Variants in WDFY4 observed in about 807,000 individuals in gnomAD.
The protein encoded by WDFY4 is WDFY family member 4, also known as WD repeat- and FYVE domain-containing protein 4.
In WDFY4, 169 loss-of-function variants were observed where a neutral mutation model predicts 351.9. The ratio of observed to expected loss-of-function variants is 0.48; its 90% confidence interval spans 0.42 to 0.55. The LOEUF (loss-of-function observed/expected upper bound fraction) is 0.55, where lower values mean the gene tolerates loss of function less well. Ranked by LOEUF, WDFY4 falls within the 20% of genes least tolerant of loss-of-function variation. WDFY4 has a pLI of 0.00. For synonymous variants in WDFY4, 1,622 were observed against 1,574.6 expected (o/e 1.03, Z -0.71); for missense variants, 3,803 against 3,935.6 (o/e 0.97, Z 0.90).
chr10:48,931,096 AACACACAC>A (rs10598078), intron 47 of WDFY4, among the ~76,000 whole-genome samples: 21,303 of 150,228 alleles, frequency 0.14, 1,631 homozygotes, highest in South Asian at 0.22. Context: ...CTCACACTCA[AACACACAC>A]ACACACACAC....
Position 48,789,251 on chromosome 10 carries a change from T to C in WDFY4, c.3954+576T>C, listed in dbSNP as rs564975260. On this transcript the variant is annotated intron_variant, in intron 21 of 61. Transcript: ENST00000325239. ...AACAACAAGGAGATATGTTTGTAGA[T>C]GGGGATGCCATTAAATTTACTTCCA... Among the ~76,000 whole-genome samples the C allele has an allele frequency of 4.2e-3, 642 of 152,334 alleles. 5 individuals carry two copies. Among genetic ancestry groups the C allele is most frequent in the Admixed American group, 0.011 (171 of 15,302 alleles).
Position 48,970,298 on chromosome 10 carries a change from C to T in WDFY4, c.8928+9C>T. ...GCTTGCGCCTCCGGCAGGTATGGTC[C>T]AGCTCGTGCAGGTGCGGTCCTCAGG... On this transcript the variant is annotated intron_variant, in intron 57 of 61. Transcript: ENST00000325239. 6.5e-7 allele frequency: 1 copy of T among 1,549,078 alleles called. No individual in the cohort carries two copies.
chr10:48,972,889 T>A (rs1842397936), intron 57 of WDFY4, among the ~76,000 whole-genome samples: 1 of 152,254 alleles, frequency 6.6e-6, no homozygotes, highest in African/African-American at 2.4e-5. Context: ...TAAAATGATA[T>A]AATGGAGTTA....
intron 49 of WDFY4, 75 bp from the exon 50 acceptor site, chr10:48,945,965 T>G: frequency 9.8e-7 from 1 of 1,017,320 alleles, no homozygotes; most frequent in East Asian, 3.0e-5. Flanking sequence ...AAGAGAACCA[T>G]AAAACTCAAG....
Position 48,820,245 on chromosome 10 carries a change from T to C in WDFY4, c.5517T>C (p.Ala1839=). The change falls in exon 33 of 62, where the codon GCT becomes GCC. Residue 1839 remains alanine (A), a synonymous_variant. Transcript: ENST00000325239. ...FPLGAQKGVG[A]ESTRNTSSPE... ...CTCTTGTCTTTGAGGGGGTTGGGGC[T>C]GAGTCCACCCGGAACACCAGCAGTC... is the stretch of plus-strand genomic sequence containing the variant. 1.9e-6 allele frequency: 3 copies of C among 1,551,648 alleles called. No homozygotes were observed. Among genetic ancestry groups the C allele is most frequent in the Non-Finnish European group, 2.6e-6 (3 of 1,146,978 alleles).
chr10:48,832,105 C>T (rs1013474156), intron 38 of WDFY4, among the ~76,000 whole-genome samples: 2 of 152,210 alleles, frequency 1.3e-5, no homozygotes, highest in Non-Finnish European at 2.9e-5. Context: ...ATATACATAT[C>T]CATGCACATA....
intron 1 of WDFY4, among the ~76,000 whole-genome samples, chr10:48,692,281 C>G (rs116819788): frequency 2.0e-3 from 302 of 152,324 alleles, no homozygotes; most frequent in African/African-American, 7.0e-3. Flanking sequence ...GCCTCACACA[C>G]CTGTGGGCCT....
chr10:48,723,700 T>C (rs2064168233), intron 5 of WDFY4, 133 bp downstream of exon 5: 1 of 1,275,144 alleles, frequency 7.8e-7, no homozygotes, highest in Non-Finnish European at 1.1e-6. Context: ...CCAGAGGGTC[T>C]AACCTCCCCC....
At chr10:48,721,695 A>G (rs903579573) in intron 4 of WDFY4, among the ~76,000 whole-genome samples, 1 of 152,002 alleles carries the variant, frequency 6.6e-6, no homozygotes, top group African/African-American at 2.4e-5. Context: ...TTTATTGACT[A>G]CTTCCTACCT....
rs1170317276 is a variant in WDFY4, at chr10:48,776,788, C to A, written c.2902C>A (p.Pro968Thr). Residue 968 changes from proline to threonine, a missense_variant, in exon 16 of 62, where the codon CCA (proline) becomes ACA (threonine). Coordinates refer to ENST00000325239, the MANE Select transcript of WDFY4 (RefSeq NM_001394531.1). ...ACAGGGCTTGGCTGAGGGGCCCTGG[C>A]CAGCTGCCCCAGATGCTGGGCTGCA... ...TAQGLAEGPW[P>T]AAPDAGLHPG... 23 of 1,541,646 alleles carry A rather than the reference C, an allele frequency of 1.5e-5. No individual in the cohort carries two copies. Among genetic ancestry groups the A allele is most frequent in the Non-Finnish European group, 1.8e-5 (21 of 1,138,870 alleles).
intron 18 of WDFY4, among the ~76,000 whole-genome samples, chr10:48,779,186 G>A (rs1376810214): frequency 1.3e-5 from 2 of 152,222 alleles, no homozygotes; most frequent in Non-Finnish European, 2.9e-5. Flanking sequence ...CCTGAGTGAG[G>A]TTTGTGAAGA....
At chr10:48,708,999 CA>C (rs1423337051) in intron 1 of WDFY4, among the ~76,000 whole-genome samples, 4 of 138,440 alleles carry the variant, frequency 2.9e-5, no homozygotes, top group Admixed American at 1.4e-4. Context: ...AAAAAACAAA[CA>C]AACAACACCC....
chr10:48,837,430 A>G (rs1412024976), intron 39 of WDFY4, among the ~76,000 whole-genome samples: 1 of 152,208 alleles, frequency 6.6e-6, no homozygotes, highest in Non-Finnish European at 1.5e-5. Context: ...CTGCTCCTAT[A>G]GGTGAGATTA....
At chr10:48,905,113 A>T (rs1026629310) in intron 47 of WDFY4, among the ~76,000 whole-genome samples, 5 of 152,196 alleles carry the variant, frequency 3.3e-5, no homozygotes, top group Non-Finnish European at 5.9e-5. Flanking sequence ...AATGTCACTC[A>T]GTGACAGCAT....
chr10:48,834,894 G>GAGGGAAAA (rs2068329521), intron 39 of WDFY4, among the ~76,000 whole-genome samples: 1 of 152,224 alleles, frequency 6.6e-6, no homozygotes, highest in Non-Finnish European at 1.5e-5. Flanking sequence ...ATGAAAGAAG[G>GAGGGAAAA]CTGAGTAGAC....
Position 48,830,739 on chromosome 10 carries a change from A to C in WDFY4, c.6380A>C (p.Gln2127Pro). 1 of 1,551,694 alleles carries C rather than the reference A, an allele frequency of 6.4e-7. No individual in the cohort carries two copies. The highest frequency in any genetic ancestry group is 8.7e-7 in the Non-Finnish European group (1 of 1,146,952). The change falls in exon 38 of 62, where the codon CAG becomes CCG. Residue 2127 changes from glutamine to proline, a missense_variant. Physicochemically the swap from Gln to Pro is moderately conservative, Grantham distance 76. Transcript: ENST00000325239. Reference sequence around the variant, plus strand: ...CAGAAGACAGTGCAGACTCTCTGGCAGCAGCTGGTGGCACAAAGGCAGCAG... The same window carrying C: ...CAGAAGACAGTGCAGACTCTCTGGCCGCAGCTGGTGGCACAAAGGCAGCAG... ...NIQKTVQTLW[Q>P]QLVAQRQQTL...
At chr10:48,903,213 G>A (rs1331109177) in intron 47 of WDFY4, among the ~76,000 whole-genome samples, 1 of 152,192 alleles carries the variant, frequency 6.6e-6, no homozygotes, top group Non-Finnish European at 1.5e-5. Context: ...TGGAGTGCAG[G>A]GAGTTAGTTG....
At chr10:48,833,230 C>T (rs939454927) in intron 39 of WDFY4, among the ~76,000 whole-genome samples, 8 of 148,092 alleles carry the variant, frequency 5.4e-5, no homozygotes, top group Admixed American at 4.1e-4. Context: ...ATATGGAGTA[C>T]GGTGGGTGGG....
intron 49 of WDFY4, among the ~76,000 whole-genome samples, chr10:48,944,460 C>A (rs1840941791): frequency 6.6e-6 from 1 of 152,218 alleles, no homozygotes; most frequent in Non-Finnish European, 1.5e-5. Context: ...AGTGTCCTGG[C>A]CACCCGGGCT....
Sources: gnomAD v4.1 joint callset for allele counts (sites outside exome capture counted in the v4.1 genomes callset) on GRCh38, gnomAD v4.1.1 for gene constraint, MANE v1.5 for transcripts, NCBI Gene and HGNC (gene_info 2026-07-23, HGNC 2026-07-21) for gene names.